The following EPHA3 variants were observed in gnomAD, a reference collection of about 807,000 sequenced individuals.
The protein encoded by EPHA3 is ephrin type-A receptor 3.
A neutral mutation model predicts 107.1 loss-of-function variants in EPHA3; 42 were observed. That is an observed-to-expected ratio of 0.39 (90% CI 0.31 to 0.51). The LOEUF (loss-of-function observed/expected upper bound fraction) is 0.51, where lower values mean the gene tolerates loss of function less well. EPHA3 is among the 20% of genes least tolerant of loss of function. EPHA3 has a pLI of 0.78. For missense variants in EPHA3, 1,183 were observed against 1,211.2 expected, an observed-to-expected ratio of 0.98 and a Z score of 0.35; for synonymous variants, 461 against 424.8, an observed-to-expected ratio of 1.09 and a Z score of -1.05.
chr3:89,236,154 T>C (rs1252683341), intron 3 of EPHA3, among the ~76,000 whole-genome samples: 3 of 152,126 alleles, frequency 2.0e-5, no homozygotes, highest in Non-Finnish European at 4.4e-5. Flanking sequence ...TGTAGGAATA[T>C]AAATGTTTTA....
At chr3:89,183,130 A>G (rs1705482609) in intron 2 of EPHA3, among the ~76,000 whole-genome samples, 1 of 151,984 alleles carries the variant, frequency 6.6e-6, no homozygotes, top group Admixed American at 6.6e-5. Context: ...ATGTACTCTG[A>G]TAGTTAAAAT....
chr3:89,360,283 T>C (rs1277784792), intron 5 of EPHA3, among the ~76,000 whole-genome samples: 2 of 150,996 alleles, frequency 1.3e-5, no homozygotes, highest in African/African-American at 4.8e-5. Context: ...CTAATGTTAC[T>C]TGCCAAAAAT....
chr3:89,420,816 T>C (rs559603886), intron 11 of EPHA3, among the ~76,000 whole-genome samples: 1 of 151,558 alleles, frequency 6.6e-6, no homozygotes, highest in East Asian at 1.9e-4. Context: ...AAAACTCCCT[T>C]GTACTTATGA....
At chr3:89,137,711 A>C (rs1305472856) in intron 2 of EPHA3, among the ~76,000 whole-genome samples, 1 of 152,130 alleles carries the variant, frequency 6.6e-6, no homozygotes, top group African/African-American at 2.4e-5. Context: ...GAGTTGCTAA[A>C]ATCATTCATC....
At chr3:89,217,871 G>T (rs1438216350) in intron 3 of EPHA3, among the ~76,000 whole-genome samples, 9 of 152,130 alleles carry the variant, frequency 5.9e-5, no homozygotes, top group Non-Finnish European at 8.8e-5. Flanking sequence ...AACATGTAAA[G>T]TTTTATGAAA....
intron 2 of EPHA3, among the ~76,000 whole-genome samples, chr3:89,191,345 C>T (rs1705712225): frequency 1.3e-5 from 2 of 151,576 alleles, no homozygotes; most frequent in African/African-American, 2.4e-5. Flanking sequence ...CTCTCTGCGT[C>T]GCCCAGGCTG....
chr3:89,368,858 G>A (rs886105395), intron 5 of EPHA3, among the ~76,000 whole-genome samples: 2 of 150,512 alleles, frequency 1.3e-5, no homozygotes, highest in Non-Finnish European at 3.0e-5. Context: ...CCAGCAGTAT[G>A]AGCATCCCTT....
intron 1 of EPHA3, among the ~76,000 whole-genome samples, chr3:89,115,644 C>T (rs1406448290): frequency 2.0e-5 from 3 of 152,204 alleles, no homozygotes; most frequent in Non-Finnish European, 2.9e-5. Context: ...CAGTGCTCTG[C>T]TGGCAAATAG....
chr3:89,433,198 G>A (rs1159989597), intron 13 of EPHA3, among the ~76,000 whole-genome samples: 1 of 151,894 alleles, frequency 6.6e-6, no homozygotes, highest in Non-Finnish European at 1.5e-5. Flanking sequence ...CTCTCCTAAT[G>A]GCAGTATCTT....
At chr3:89,149,491 T>C (rs76831836) in intron 2 of EPHA3, among the ~76,000 whole-genome samples, 5,089 of 152,102 alleles carry the variant, frequency 0.033, 445 homozygotes, top group Admixed American at 0.21. Flanking sequence ...AATCTTTTTT[T>C]ATTATTATTA....
intron 13 of EPHA3, among the ~76,000 whole-genome samples, chr3:89,435,835 C>T (rs1455668035): frequency 6.6e-6 from 1 of 150,440 alleles, no homozygotes; most frequent in East Asian, 1.9e-4. Flanking sequence ...CGCCTGTAAT[C>T]CCAGCTACTT....
chr3:89,138,258 T>C (rs1346961190), intron 2 of EPHA3, among the ~76,000 whole-genome samples: 1 of 151,804 alleles, frequency 6.6e-6, no homozygotes, highest in African/African-American at 2.4e-5. Flanking sequence ...TCCTGGAAAT[T>C]TGTCATAGGA....
chr3:89,320,168 T>G (rs549915291), intron 3 of EPHA3, among the ~76,000 whole-genome samples: 1 of 152,030 alleles, frequency 6.6e-6, no homozygotes, highest in East Asian at 1.9e-4. Flanking sequence ...ATATACATAC[T>G]TGCAAGAACA....
At chr3:89,150,124 G>A (rs1359754235) in intron 2 of EPHA3, among the ~76,000 whole-genome samples, 3 of 151,754 alleles carry the variant, frequency 2.0e-5, no homozygotes, top group African/African-American at 4.8e-5. Flanking sequence ...GATTCTTAAC[G>A]GATATTGATT....
rs534679111 is a variant in EPHA3 at position 89,413,153 on chromosome 3, G to A, written c.1775G>A (p.Gly592Asp). ...TTTCCTCAAACAGTAAAACTTCCAG[G>A]TCTCAGGACTTATGTTGACCCACAT... ...HFGNGHLKLPGLRTYVDPHTY... is the reference protein window; with the variant it reads ...HFGNGHLKLPDLRTYVDPHTY... Residue 592 changes from glycine to aspartate, a missense_variant, in exon 10 of 17, where the codon GGT (glycine) becomes GAT (aspartate). By Grantham distance (94) the Gly-to-Asp change is moderately conservative. Transcript: ENST00000336596. The A allele has an allele frequency of 4.5e-5, 72 of 1,610,990 alleles. 2 individuals carry two copies. The South Asian group carries it at 7.1e-4, about 16-fold the overall frequency.
intron 2 of EPHA3, among the ~76,000 whole-genome samples, chr3:89,132,050 A>G (rs1035966056): frequency 2.6e-5 from 4 of 152,176 alleles, no homozygotes; most frequent in Non-Finnish European, 5.9e-5. Context: ...AGTGTAAGTA[A>G]AGCCAATGAG....
intron 3 of EPHA3, among the ~76,000 whole-genome samples, chr3:89,287,742 T>A (rs1216237649): frequency 6.6e-6 from 1 of 152,114 alleles, no homozygotes; most frequent in Non-Finnish European, 1.5e-5. Context: ...CACTCTTATC[T>A]ACAGATAGAG....
intron 1 of EPHA3, among the ~76,000 whole-genome samples, chr3:89,111,517 C>G (rs886170829): frequency 1.4e-5 from 2 of 138,788 alleles, no homozygotes; most frequent in South Asian, 5.1e-4. Flanking sequence ...ATCCCCCCCC[C>G]ACCCCGCCTC....
chr3:89,237,452 T>G (rs1210149374), intron 3 of EPHA3, among the ~76,000 whole-genome samples: 1 of 152,226 alleles, frequency 6.6e-6, no homozygotes, highest in Non-Finnish European at 1.5e-5. Context: ...TTAATGTAGT[T>G]CTGTGAATTT....
Sources: allele counts gnomAD v4.1 joint callset (sites outside exome capture counted in the v4.1 genomes callset), GRCh38; gene constraint gnomAD v4.1.1; transcripts MANE v1.5; gene names NCBI Gene and HGNC (gene_info 2026-07-23, HGNC 2026-07-21).